SEZ6L2: variants seen among roughly 807,000 people sequenced by gnomAD.
SEZ6L2 encodes the protein seizure related 6 homolog like 2, also known as seizure 6-like protein 2.
A neutral mutation model predicts 97.0 loss-of-function variants in SEZ6L2; 44 were observed. The ratio of observed to expected loss-of-function variants is 0.45; its 90% CI spans 0.36 to 0.58. SEZ6L2 has a LOEUF of 0.58. SEZ6L2 is among the 20% of genes least tolerant of loss of function. The probability of loss-of-function intolerance (pLI) is 0.00; values close to 1 mark genes in which losing one functional copy is unlikely to be tolerated. For synonymous variants in SEZ6L2, 543 were observed against 546.1 expected, an observed-to-expected ratio of 0.99 and a Z score of 0.08; for missense variants, 1,086 against 1,233.3, an observed-to-expected ratio of 0.88 and a Z score of 1.79.
In SEZ6L2 at chr16:29,888,743, C is replaced by T. The variant is rs367634699; in HGVS notation, c.854-18G>A. 79 of 1,596,376 alleles carry T rather than the reference C, an allele frequency of 4.9e-5. No individual in the cohort carries two copies. Among genetic ancestry groups the T allele is most frequent in the Middle Eastern group, 3.5e-4 (2 of 5,668 alleles). On this transcript the variant is annotated intron_variant, in intron 5 of 17. Transcript: ENST00000617533. The stretch of plus-strand genomic sequence containing the variant: ...GAGGTAGGCTGCACCAGACAGACAG[C>T]GGGTAGCAGGGCTCACTTTCCCATG...
rs1018264064 is a variant in SEZ6L2, at chr16:29,876,455, G to T, written c.2104+301C>A. Among the ~76,000 whole-genome samples the T allele has an allele frequency of 5.3e-5, 8 of 152,192 alleles. No individual in the cohort carries two copies. In the East Asian group the frequency reaches 1.5e-3, roughly 29 times the overall value. ...CCAAACTCAGATGCCGCAGAGGAGG[G>T]GTCAGGAGGGGACGGGGCGGGGCCG... On this transcript the variant is annotated intron_variant, in intron 12 of 17. Coordinates refer to ENST00000617533, the MANE Select transcript of SEZ6L2 (RefSeq NM_001243332.2). This position sits in a 1 kb window ranked among gnomAD's most constrained non-coding sequence, Gnocchi z 6.5.
intron 11 of SEZ6L2, 36 bp downstream of exon 11, chr16:29,877,235 G>A (rs2067924833): frequency 1.3e-6 from 2 of 1,506,668 alleles, no homozygotes; most frequent in Non-Finnish European, 1.8e-6. Context: ...TGGCCTGCCC[G>A]ACCCCTGCCC....
In SEZ6L2 at chr16:29,873,080, C is replaced by T. The variant is rs1355564509; in HGVS notation, c.2488+160G>A. ...GAGCCAATCCCATGACCTCACACGA[C>T]CCAGGGCTTCTGGACACACCCGTGA... is the stretch of plus-strand genomic sequence containing the variant. On this transcript the variant is annotated intron_variant, in intron 14 of 17. Coordinates refer to ENST00000617533, the MANE Select transcript of SEZ6L2 (RefSeq NM_001243332.2). The surrounding 1 kb of genome is among the most constrained non-coding windows in gnomAD (Gnocchi z 4.3). 1.3e-5 allele frequency among the ~76,000 whole-genome samples: 2 copies of T among 152,238 alleles called. No homozygotes were observed. The highest frequency in any genetic ancestry group is 2.9e-5 in the Non-Finnish European group (2 of 68,040).
chr16:29,889,869 C>T (rs2150806807), intron 5 of SEZ6L2, among the ~76,000 whole-genome samples: 1 of 151,726 alleles, frequency 6.6e-6, no homozygotes, highest in Admixed American at 6.6e-5. Flanking sequence ...CTCAAGCAAA[C>T]ATGAAACTTG....
chr16:29,872,486 C>T lies in SEZ6L2; in HGVS notation c.2568G>A (p.Gly856=), dbSNP rs776650178. ...GCAGCAGGATGGCCAGGGCCAGGTT[C>T]CCCCCTTCCAGCTGCCGTGATGGAT... The part of the protein sequence containing the change: ...TTDPSRQLEG[G]NLALAILLPL... The change falls in exon 16 of 18, where the codon GGG becomes GGA. Residue 856 remains glycine, a synonymous_variant. Coordinates refer to ENST00000617533, the MANE Select transcript of SEZ6L2 (RefSeq NM_001243332.2). 3 of 1,614,190 alleles carry T rather than the reference C, an allele frequency of 1.9e-6. No individual in the cohort carries two copies. Among genetic ancestry groups the T allele is most frequent in the South Asian group, 2.2e-5 (2 of 91,084 alleles).
In SEZ6L2 at chr16:29,897,103, G is replaced by T. The variant is rs758972719; in HGVS notation, c.230C>A (p.Thr77Lys). 2.3e-5 allele frequency: 37 copies of T among 1,576,996 alleles called. No individual in the cohort carries two copies. Among genetic ancestry groups the T allele is most frequent in the East Asian group, 9.0e-5 (4 of 44,218 alleles). Reference protein sequence around the residue: ...GYLPGSDRDPTLATPPAGQTL... With the variant: ...GYLPGSDRDPKLATPPAGQTL... ...CTGGCCGGCCGGAGGGGTGGCTAGC[G>T]TGGGGTCCCGATCAGATCCTGGGAC... is the stretch of plus-strand genomic sequence containing the variant. The change falls in exon 3 of 18, where the codon ACG (threonine) becomes AAG (lysine). Residue 77 changes from threonine to lysine, a missense_variant. Around this residue, in one of 2 missense-constraint regions of SEZ6L2, gnomAD observed 776 missense variants for 794.7 expected, o/e 0.98. Coordinates refer to ENST00000617533, the MANE Select transcript of SEZ6L2 (RefSeq NM_001243332.2).
intron 8 of SEZ6L2, 131 bp from the exon 9 acceptor site, chr16:29,880,195 T>C (rs1007900770): frequency 5.0e-5 from 41 of 813,560 alleles, no homozygotes; most frequent in Non-Finnish European, 7.5e-5. Context: ...AACAGTCTTG[T>C]GCTGTCGCCC....
chr16:29,875,175 C>A (rs189958203), intron 12 of SEZ6L2, among the ~76,000 whole-genome samples: 2 of 152,192 alleles, frequency 1.3e-5, no homozygotes, highest in Non-Finnish European at 2.9e-5. Flanking sequence ...ACACCTGGCA[C>A]AAACATAATA....
At chr16:29,880,672 G>T (rs2068012321) in intron 8 of SEZ6L2, among the ~76,000 whole-genome samples, 1 of 151,944 alleles carries the variant, frequency 6.6e-6, no homozygotes, top group Non-Finnish European at 1.5e-5. Flanking sequence ...GGCTAGGCTG[G>T]TCTTGAACTC....
chr16:29,883,473 G>C (rs1238243547), intron 8 of SEZ6L2, among the ~76,000 whole-genome samples: 1 of 151,934 alleles, frequency 6.6e-6, no homozygotes, highest in African/African-American at 2.4e-5. Context: ...CACCACACCT[G>C]GATAATTATT....
intron 8 of SEZ6L2, among the ~76,000 whole-genome samples, chr16:29,883,879 C>T (rs2068077566): frequency 1.3e-5 from 2 of 152,002 alleles, no homozygotes; most frequent in African/African-American, 4.8e-5. Flanking sequence ...TTGCAGTGAA[C>T]CATGATCGGG....
chr16:29,887,935 G>T, intron 6 of SEZ6L2, 118 bp from the exon 7 acceptor site: 2 of 1,141,042 alleles, frequency 1.8e-6, no homozygotes, highest in Non-Finnish European at 2.5e-6. Context: ...CCCGGCCCAG[G>T]GCTGGCCTCT....
At chr16:29,889,271 T>A (rs1160479523) in intron 5 of SEZ6L2, among the ~76,000 whole-genome samples, 1 of 151,918 alleles carries the variant, frequency 6.6e-6, no homozygotes, top group African/African-American at 2.4e-5. Flanking sequence ...TAAAACCCCG[T>A]CTCTAAAAAA....
At position 29,876,444 on chromosome 16, in the gene SEZ6L2, C is replaced by T. The variant is rs1477715544; in HGVS notation, c.2104+312G>A. Among the ~76,000 whole-genome samples, 1 of 151,680 alleles carries T rather than the reference C, an allele frequency of 6.6e-6. No homozygotes were observed. The highest frequency in any genetic ancestry group is 1.5e-5 in the Non-Finnish European group (1 of 67,946). The stretch of plus-strand genomic sequence containing the variant: ...CCTTTTAGGGGCCAAACTCAGATGC[C>T]GCAGAGGAGGGGTCAGGAGGGGACG... On this transcript the variant is annotated intron_variant, in intron 12 of 17. Coordinates refer to ENST00000617533, the MANE Select transcript of SEZ6L2 (RefSeq NM_001243332.2). The surrounding 1 kb of genome is among the most constrained non-coding windows in gnomAD (Gnocchi z 6.5).
intron 9 of SEZ6L2, among the ~76,000 whole-genome samples, chr16:29,878,899 C>A (rs2067971359): frequency 6.9e-6 from 1 of 145,120 alleles, no homozygotes; most frequent in Non-Finnish European, 1.5e-5. Context: ...GCCACCAGGT[C>A]CAGCCCCTAT....
At chr16:29,877,892 ACT>A (rs1567413507) in intron 10 of SEZ6L2, among the ~76,000 whole-genome samples, 1 of 151,762 alleles carries the variant, frequency 6.6e-6, no homozygotes, top group African/African-American at 2.4e-5. Context: ...ATCTCATGAC[ACT>A]CTCATACCAA....
rs112977823 is a variant in SEZ6L2 at position 29,880,042 on chromosome 16, G to A, written c.1395C>T (p.Phe465=). The part of the protein sequence containing the change: ...RFEAFEEDRC[F]APFLAHGNVT... ...CATTTCCATGTGCCAGGAAGGGGGC[G>A]AAGCAGCGATCCTCCTCAAAGGCTG... is the stretch of plus-strand genomic sequence containing the variant. Residue 465 remains phenylalanine (F), a synonymous_variant, in exon 9 of 18, where the codon TTC becomes TTT. Coordinates refer to ENST00000617533, the MANE Select transcript of SEZ6L2 (RefSeq NM_001243332.2). 12 of 1,614,196 alleles carry A rather than the reference G, an allele frequency of 7.4e-6. No individual in the cohort carries two copies. The highest frequency in any genetic ancestry group is 2.2e-5 in the East Asian group (1 of 44,878).
In SEZ6L2 at chr16:29,876,734, G is replaced by C. The variant is rs1296703155; in HGVS notation, c.2104+22C>G. ...CACAGGGAAGGGGCGGGGCCGAGGGGACGCGGGCGGGGCCGGCTCACTCTT... is the reference window on the plus strand; with the variant it reads ...CACAGGGAAGGGGCGGGGCCGAGGGCACGCGGGCGGGGCCGGCTCACTCTT... On this transcript the variant is annotated intron_variant, in intron 12 of 17. Transcript: ENST00000617533. The surrounding 1 kb of genome is among the most constrained non-coding windows in gnomAD (Gnocchi z 6.5). The C allele has an allele frequency of 6.6e-7, 1 of 1,516,844 alleles. No homozygotes were observed. Among genetic ancestry groups the C allele is most frequent in the Admixed American group, 2.0e-5 (1 of 49,868 alleles). The allele number at this position is 1,516,844 out of a possible 1,614,324, so 94.0% of individuals were successfully genotyped here.
In SEZ6L2 at chr16:29,897,956, C is replaced by T. The variant is rs763285864; in HGVS notation, c.108G>A (p.Leu36=). 1.2e-6 allele frequency: 2 copies of T among 1,613,752 alleles called. No homozygotes were observed. The highest frequency in any genetic ancestry group is 1.7e-6 in the Non-Finnish European group (2 of 1,179,804). ...TGGGGGTCTCACTTCCAGGCTCTGG[C>T]AATATCTCCTCCTCCTTCAGGGGCA... ...QGLPLKEEEI[L]PEPGSETPTV... is the part of the protein sequence containing the mutation. The change falls in exon 2 of 18, where the codon TTG becomes TTA. Residue 36 remains leucine (L), a synonymous_variant. Coordinates refer to ENST00000617533, the MANE Select transcript of SEZ6L2 (RefSeq NM_001243332.2).
Sources: gnomAD v4.1 joint callset for allele counts (sites outside exome capture counted in the v4.1 genomes callset) on GRCh38, gnomAD v4.1.1 for gene constraint, gnomAD v4.1.1 regional missense constraint, Gnocchi (gnomAD v3.1) non-coding constraint, MANE v1.5 for transcripts, NCBI Gene and HGNC (gene_info 2026-07-23, HGNC 2026-07-21) for gene names.